The following SCUBE1 variants were observed in gnomAD, a reference collection of about 807,000 sequenced individuals.
SCUBE1 encodes the protein signal peptide, CUB and EGF-like domain-containing protein 1.
SCUBE1 carries 59 observed loss-of-function variants against 124.4 expected under a neutral mutation model. That is an observed-to-expected ratio of 0.47 (90% CI 0.38 to 0.59). The LOEUF (loss-of-function observed/expected upper bound fraction) is 0.59, where lower values mean the gene tolerates loss of function less well. Among genes scored for constraint, SCUBE1 ranks in the 20% least tolerant of loss-of-function variants. The probability of loss-of-function intolerance (pLI) is 0.00; values close to 1 mark genes in which losing one functional copy is unlikely to be tolerated. For synonymous variants in SCUBE1, 545 were observed against 550.9 expected (o/e 0.99, Z 0.15); for missense variants, 1,150 against 1,371.2 (o/e 0.84, Z 2.55).
chr22:43,301,563 C>A (rs959224599), intron 3 of SCUBE1, among the ~76,000 whole-genome samples: 1 of 152,160 alleles, frequency 6.6e-6, no homozygotes, highest in Admixed American at 6.5e-5. Flanking sequence ...CCTCAGCTCA[C>A]GTGCCGCTTT....
At chr22:43,231,670 C>T in intron 8 of SCUBE1, 83 bp downstream of exon 8, 1 of 1,502,176 alleles carries the variant, frequency 6.7e-7, no homozygotes, top group Non-Finnish European at 9.0e-7. Context: ...CCCTCCCCTC[C>T]TAGGAGCCCG....
chr22:43,324,030 A>G (rs1018289186), intron 2 of SCUBE1, among the ~76,000 whole-genome samples: 2 of 152,210 alleles, frequency 1.3e-5, no homozygotes, highest in African/African-American at 4.8e-5. Flanking sequence ...ATGTAATCCA[A>G]CTGGCTATTT....
At chr22:43,239,314 A>C (rs1210654747) in intron 6 of SCUBE1, among the ~76,000 whole-genome samples, 1 of 152,196 alleles carries the variant, frequency 6.6e-6, no homozygotes, top group Non-Finnish European at 1.5e-5. Flanking sequence ...GGATTCCTAA[A>C]ACTTTGACCT....
intron 3 of SCUBE1, among the ~76,000 whole-genome samples, chr22:43,315,978 G>A (rs1926333376): frequency 6.6e-6 from 1 of 152,168 alleles, no homozygotes. Flanking sequence ...TGGAAGGAGA[G>A]TTCCACGTGT....
rs1464967540 is a variant in SCUBE1, at chr22:43,198,050, C to T, written c.*5947G>A. 2 of 154,786 alleles carry T rather than the reference C, an allele frequency of 1.3e-5. No individual in the cohort carries two copies. Among genetic ancestry groups the T allele is most frequent in the African/African-American group, 4.8e-5 (2 of 41,488 alleles). 9.6% of individuals were successfully genotyped at this position (154,786 alleles called of 1,614,324 possible). ...GATTCCCAAATCCAGGGACTACCAA[C>T]TCTTTGCCTTGGGCATGTCCTGTGG... On this transcript the variant is annotated 3_prime_UTR_variant, in exon 22 of 22. Coordinates refer to ENST00000360835, the MANE Select transcript of SCUBE1 (RefSeq NM_173050.5).
At position 43,211,145 on chromosome 22, in the gene SCUBE1, G is replaced by C; in HGVS notation, c.2222-62C>G. The C allele has an allele frequency of 1.3e-6, 2 of 1,506,288 alleles. No individual in the cohort carries two copies. Among genetic ancestry groups the C allele is most frequent in the Non-Finnish European group, 1.8e-6 (2 of 1,105,216 alleles). The allele number at this position is 1,506,288 out of a possible 1,614,324, so 93.3% of individuals were successfully genotyped here. On this transcript the variant is annotated intron_variant, in intron 17 of 21. Transcript: ENST00000360835. This position sits in a 1 kb window ranked among gnomAD's most constrained non-coding sequence, Gnocchi z 4.5. The stretch of plus-strand genomic sequence containing the variant: ...GGGGTGCAGGGAAAGGGCAGCACTG[G>C]GGTGCTGTCCCCAGGACCTCTCATG...
intron 3 of SCUBE1, among the ~76,000 whole-genome samples, chr22:43,313,384 C>A (rs552468816): frequency 1.7e-3 from 254 of 152,226 alleles, no homozygotes; most frequent in Non-Finnish European, 2.6e-3. Flanking sequence ...AGGTAAAGAT[C>A]GGGGTCGAAG....
At position 43,234,629 on chromosome 22, in the gene SCUBE1, C is replaced by T. The variant is rs1922685803; in HGVS notation, c.845-2754G>A. Among the ~76,000 whole-genome samples, 1 of 152,224 alleles carries T rather than the reference C, an allele frequency of 6.6e-6. No homozygotes were observed. The highest frequency in any genetic ancestry group is 1.5e-5 in the Non-Finnish European group (1 of 68,012). ...ACCTCAGGATATAGTGAAGGGGGTG[C>T]TGGGCTCATGGCCCCTGGGGTGCAG... On this transcript the variant is annotated intron_variant, in intron 7 of 21. Coordinates refer to ENST00000360835, the MANE Select transcript of SCUBE1 (RefSeq NM_173050.5). The surrounding 1 kb of genome is among the most constrained non-coding windows in gnomAD (Gnocchi z 4.4).
chr22:43,308,994 C>T (rs1416808850), intron 3 of SCUBE1, among the ~76,000 whole-genome samples: 1 of 152,244 alleles, frequency 6.6e-6, no homozygotes, highest in Non-Finnish European at 1.5e-5. Flanking sequence ...GTACAAGAAC[C>T]AGCGCAAGAG....
At chr22:43,335,891 G>A (rs1394440371) in intron 2 of SCUBE1, among the ~76,000 whole-genome samples, 4 of 150,610 alleles carry the variant, frequency 2.7e-5, no homozygotes, top group African/African-American at 9.8e-5. Flanking sequence ...TGATGGTGAT[G>A]TTGGTGGTGA....
intron 2 of SCUBE1, among the ~76,000 whole-genome samples, chr22:43,338,141 G>T (rs184670390): frequency 6.6e-6 from 1 of 152,302 alleles, no homozygotes; most frequent in African/African-American, 2.4e-5. Context: ...CAGACCCATG[G>T]GGTGAGGACG....
intron 6 of SCUBE1, among the ~76,000 whole-genome samples, chr22:43,250,528 A>G (rs113838377): frequency 0.088 from 13,457 of 152,296 alleles, 728 homozygotes; most frequent in Non-Finnish European, 0.12. Context: ...GAGAGGAGGC[A>G]GAGAAGGTTG....
intron 2 of SCUBE1, among the ~76,000 whole-genome samples, chr22:43,332,689 C>G (rs1469872943): frequency 6.6e-6 from 1 of 152,214 alleles, no homozygotes; most frequent in Non-Finnish European, 1.5e-5. Flanking sequence ...GACTAGCTCT[C>G]TCTCTGTGCA....
intron 3 of SCUBE1, among the ~76,000 whole-genome samples, chr22:43,300,175 T>G (rs887284079): frequency 6.6e-6 from 1 of 152,196 alleles, no homozygotes; most frequent in African/African-American, 2.4e-5. Context: ...GGTAACTCCA[T>G]GTGTGCCCTT....
At chr22:43,239,026 G>A (rs950803493) in intron 6 of SCUBE1, 72 bp from the exon 7 acceptor site, 65 of 1,220,352 alleles carry the variant, frequency 5.3e-5, no homozygotes, top group Non-Finnish European at 7.4e-5. Flanking sequence ...TCCGTGGAAA[G>A]ATCTTCTATG....
Position 43,283,177 on chromosome 22 carries a change from C to T in SCUBE1, c.484+7869G>A, listed in dbSNP as rs373168091. On this transcript the variant is annotated intron_variant, in intron 4 of 21. Coordinates refer to ENST00000360835, the MANE Select transcript of SCUBE1 (RefSeq NM_173050.5). ...ACCAGCATATTGGGCAGGAAGGTTC[C>T]TCTTCTCCTTAGAACCCAATTTCCA... The T allele has an allele frequency of 3.9e-5, 6 of 152,336 alleles. No individual in the cohort carries two copies. In the South Asian group the frequency reaches 6.2e-4, roughly 16 times the overall value. 9.4% of individuals were successfully genotyped at this position (152,336 alleles called of 1,614,324 possible).
chr22:43,253,943 T>G (rs1301306966), intron 6 of SCUBE1, among the ~76,000 whole-genome samples: 2 of 152,174 alleles, frequency 1.3e-5, no homozygotes, highest in Admixed American at 1.3e-4. Flanking sequence ...CTGACGACTC[T>G]GGGGCTCCCT....
At chr22:43,222,792 G>A (rs776965987) in intron 11 of SCUBE1, 50 bp from the exon 12 acceptor site, 50 of 1,402,924 alleles carry the variant, frequency 3.6e-5, no homozygotes, top group Non-Finnish European at 4.4e-5. Flanking sequence ...TCCCTCCCAC[G>A]GCCCTCAGAT....
intron 2 of SCUBE1, among the ~76,000 whole-genome samples, chr22:43,330,475 C>T (rs1188119002): frequency 6.6e-6 from 1 of 152,216 alleles, no homozygotes; most frequent in African/African-American, 2.4e-5. Flanking sequence ...GCACTTTCCA[C>T]ATCCTGTTAT....
Sources: gnomAD v4.1 joint callset for allele counts (sites outside exome capture counted in the v4.1 genomes callset) on GRCh38, gnomAD v4.1.1 for gene constraint, Gnocchi (gnomAD v3.1) non-coding constraint, MANE v1.5 for transcripts, NCBI Gene and HGNC (gene_info 2026-07-23, HGNC 2026-07-21) for gene names.